Variants in RB1 observed in about 807,000 individuals in gnomAD.
RB1 encodes the protein RB transcriptional corepressor 1, also known as retinoblastoma-associated protein.
RB1 carries 18 observed loss-of-function variants against 135.4 expected under a neutral mutation model. That is an observed-to-expected ratio of 0.13 (90% confidence interval 0.09 to 0.20). The LOEUF (loss-of-function observed/expected upper bound fraction) is 0.20. Ranked by LOEUF, RB1 falls within the 10% of genes least tolerant of loss-of-function variation. The pLI is 1.00. For missense variants in RB1, 868 were observed against 1,110.0 expected, an observed-to-expected ratio of 0.78 and a Z score of 3.10; for synonymous variants, 365 against 373.2, an observed-to-expected ratio of 0.98 and a Z score of 0.25.
At chr13:48,335,252 A>G (rs904773122) in intron 2 of RB1, among the ~76,000 whole-genome samples, 1 of 152,116 alleles carries the variant, frequency 6.6e-6, no homozygotes, top group African/African-American at 2.4e-5. Context: ...ATTCTATGAT[A>G]TAGCTCTATC....
chr13:48,354,807 T>C (rs146655902), intron 6 of RB1, among the ~76,000 whole-genome samples: 2 of 151,814 alleles, frequency 1.3e-5, no homozygotes, highest in African/African-American at 4.8e-5. Flanking sequence ...GCCAAGAACA[T>C]ATGCTGGGGA....
At chr13:48,465,909 G>C (rs1382128337) in intron 23 of RB1, among the ~76,000 whole-genome samples, 1 of 148,434 alleles carries the variant, frequency 6.7e-6, no homozygotes, top group Non-Finnish European at 1.5e-5. Flanking sequence ...AGGGTCCTAC[G>C]CCCACGGAAT....
intron 18 of RB1, among the ~76,000 whole-genome samples, chr13:48,455,827 G>A (rs757602522): frequency 3.3e-5 from 5 of 151,982 alleles, no homozygotes; most frequent in Admixed American, 1.3e-4. Context: ...CATAGTTATC[G>A]CTAAAAAAAT....
chr13:48,318,833 C>T, intron 2 of RB1: 1 of 990,108 alleles, frequency 1.0e-6, no homozygotes, highest in Non-Finnish European at 1.6e-6. Context: ...CACCTCTGGC[C>T]AGCAAACTCC....
At chr13:48,368,047 T>C (rs529058429) in intron 10 of RB1, among the ~76,000 whole-genome samples, 10 of 152,328 alleles carry the variant, frequency 6.6e-5, no homozygotes, top group Admixed American at 5.9e-4. Flanking sequence ...TTTTGACTGA[T>C]CATAAGTAAA....
chr13:48,316,933 A>C, intron 2 of RB1: 1 of 363,856 alleles, frequency 2.7e-6, no homozygotes, highest in Non-Finnish European at 5.4e-6. Context: ...TCACTAACCA[A>C]GGCGTGCCCG....
chr13:48,318,015 C>T (rs985855252), intron 2 of RB1: 2 of 502,188 alleles, frequency 4.0e-6, no homozygotes, highest in African/African-American at 3.8e-5. Flanking sequence ...CTCCTGTCGT[C>T]AGACAGGGAG....
intron 6 of RB1, 69 bp downstream of exon 6, chr13:48,349,092 T>A: frequency 1.3e-6 from 2 of 1,483,268 alleles, no homozygotes; most frequent in Non-Finnish European, 1.8e-6. Flanking sequence ...TCCTTTGGAC[T>A]AAATTCCCCA....
chr13:48,431,256 T>G (rs1048596296), intron 17 of RB1, among the ~76,000 whole-genome samples: 1 of 152,102 alleles, frequency 6.6e-6, no homozygotes, highest in African/African-American at 2.4e-5. Context: ...ATATTTGTAT[T>G]TTTTTTAAGT....
chr13:48,313,336 G>A (rs7985838), intron 2 of RB1, among the ~76,000 whole-genome samples: 47 of 150,360 alleles, frequency 3.1e-4, no homozygotes, highest in East Asian at 1.6e-3. Context: ...CATTTGCAGC[G>A]TAGGATTTTA....
At chr13:48,421,856 C>T (rs960854530) in intron 17 of RB1, among the ~76,000 whole-genome samples, 3 of 151,998 alleles carry the variant, frequency 2.0e-5, no homozygotes, top group African/African-American at 2.4e-5. Context: ...ATTATTAAAA[C>T]GTCAGGAAAC....
At chr13:48,310,292 C>G (rs1952120621) in intron 2 of RB1, among the ~76,000 whole-genome samples, 2 of 152,084 alleles carry the variant, frequency 1.3e-5, no homozygotes, top group Non-Finnish European at 2.9e-5. Context: ...GCAGTTGTCT[C>G]TCTTCTTTGA....
chr13:48,321,208 ATTTAC>A (rs1363144905), intron 2 of RB1, among the ~76,000 whole-genome samples: 1 of 151,952 alleles, frequency 6.6e-6, no homozygotes, highest in African/African-American at 2.4e-5. Flanking sequence ...GGGCTGGCCC[ATTTAC>A]TTAGTTTTGT....
chr13:48,365,069 T>TA, intron 9 of RB1, 98 bp downstream of exon 9: 1 of 916,818 alleles, frequency 1.1e-6, no homozygotes, highest in East Asian at 4.4e-5. Context: ...GTGTATCACA[T>TA]TTTTTTTTTG....
chr13:48,449,105 C>T (rs776043687), intron 17 of RB1, among the ~76,000 whole-genome samples: 8 of 151,590 alleles, frequency 5.3e-5, no homozygotes, highest in Non-Finnish European at 1.2e-4. Context: ...GTTGCGTAAT[C>T]GCCGTTTTTT....
At chr13:48,442,040 C>T (rs866570349) in intron 17 of RB1, among the ~76,000 whole-genome samples, 1 of 152,074 alleles carries the variant, frequency 6.6e-6, no homozygotes, top group Non-Finnish European at 1.5e-5. Flanking sequence ...TCTATTCAGT[C>T]GTAACCCACT....
At chr13:48,417,627 A>T (rs189088171) in intron 17 of RB1, among the ~76,000 whole-genome samples, 2 of 152,316 alleles carry the variant, frequency 1.3e-5, no homozygotes, top group East Asian at 1.9e-4. Context: ...CAAGGAAGCT[A>T]AAAACCTTGA....
chr13:48,351,909 G>A (rs753612477), intron 6 of RB1, among the ~76,000 whole-genome samples: 3 of 152,012 alleles, frequency 2.0e-5, no homozygotes, highest in Non-Finnish European at 4.4e-5. Flanking sequence ...CCCTACCTCA[G>A]GTGATCCATG....
At chr13:48,398,384 A>G (rs1948664523) in intron 17 of RB1, among the ~76,000 whole-genome samples, 1 of 152,070 alleles carries the variant, frequency 6.6e-6, no homozygotes, top group Admixed American at 6.6e-5. Context: ...TCAAAACTGA[A>G]ATTATTTAGC....
Sources: gnomAD v4.1 joint callset for allele counts (sites outside exome capture counted in the v4.1 genomes callset) on GRCh38, gnomAD v4.1.1 for gene constraint, MANE v1.5 for transcripts, NCBI Gene and HGNC (gene_info 2026-07-23, HGNC 2026-07-21) for gene names.